Variants in SYNDIG1 observed in about 807,000 individuals in gnomAD.
SYNDIG1 encodes the protein synapse differentiation-inducing gene protein 1.
A neutral mutation model predicts 19.4 loss-of-function variants in SYNDIG1; 9 were observed. That is an observed-to-expected ratio of 0.46 (90% confidence interval 0.28 to 0.81). SYNDIG1 has a LOEUF of 0.81. Among genes scored for constraint, SYNDIG1 ranks in the 30% least tolerant of loss-of-function variants. The pLI is 0.12. For missense variants in SYNDIG1, 311 were observed against 343.3 expected (o/e 0.91, Z 0.74); for synonymous variants, 141 against 145.9 (o/e 0.97, Z 0.24).
At chr20:24,544,364 G>A (rs564769147) in intron 2 of SYNDIG1, among the ~76,000 whole-genome samples, 94 of 152,302 alleles carry the variant, frequency 6.2e-4, no homozygotes, top group South Asian at 1.9e-3. Flanking sequence ...TTCCCAGGAC[G>A]CGATGTCAGG....
chr20:24,493,457 A>G (rs925396018), intron 1 of SYNDIG1, among the ~76,000 whole-genome samples: 9 of 152,130 alleles, frequency 5.9e-5, no homozygotes, highest in Non-Finnish European at 1.3e-4. Flanking sequence ...ATACACAGGT[A>G]CACACACATA....
intron 3 of SYNDIG1, among the ~76,000 whole-genome samples, chr20:24,644,951 C>T (rs563082148): frequency 1.3e-5 from 2 of 152,322 alleles, no homozygotes; most frequent in East Asian, 3.9e-4. Flanking sequence ...TTATCTTCAG[C>T]TTACAGATGA....
rs550175125 is a variant in SYNDIG1, at chr20:24,520,449, A to G, written c.-78-22571A>G. 1.2e-3 allele frequency among the ~76,000 whole-genome samples: 183 copies of G among 152,192 alleles called. 1 individual carries two copies. Among genetic ancestry groups the G allele is most frequent in the African/African-American group, 4.2e-3 (176 of 41,546 alleles). ...GGTGGCTCACGCCTATAATCCCAGG[A>G]CTTTGGGAGGCTGAGGCAGGCGGAT... On this transcript the variant is annotated intron_variant, in intron 1 of 3. Transcript: ENST00000376862.
intron 3 of SYNDIG1, among the ~76,000 whole-genome samples, chr20:24,600,480 G>A (rs1355272872): frequency 2.0e-5 from 3 of 151,970 alleles, no homozygotes; most frequent in Non-Finnish European, 4.4e-5. Flanking sequence ...CCTCCTTATC[G>A]CTGCCCTTCC....
At position 24,507,277 on chromosome 20, in the gene SYNDIG1, G is replaced by A. The variant is rs116081566; in HGVS notation, c.-78-35743G>A. Among the ~76,000 whole-genome samples, 110 of 152,382 alleles carry A rather than the reference G, an allele frequency of 7.2e-4. 1 individual carries two copies. The highest frequency in any genetic ancestry group is 2.5e-3 in the African/African-American group (105 of 41,598). Reference sequence around the variant, plus strand: ...ACAGGAGCGTGCTGCCTGCTGGCCAGAGGATGCTGCCAGGGCTTGCCCAGG... The same window carrying A: ...ACAGGAGCGTGCTGCCTGCTGGCCAAAGGATGCTGCCAGGGCTTGCCCAGG... On this transcript the variant is annotated intron_variant, in intron 1 of 3. Coordinates refer to ENST00000376862, the MANE Select transcript of SYNDIG1 (RefSeq NM_024893.3).
intron 2 of SYNDIG1, among the ~76,000 whole-genome samples, chr20:24,583,246 CG>C (rs1037664951): frequency 6.6e-6 from 1 of 152,222 alleles, no homozygotes; most frequent in Admixed American, 6.5e-5. Context: ...TGGCAAGCAG[CG>C]GGCTCGCAGC....
intron 3 of SYNDIG1, among the ~76,000 whole-genome samples, chr20:24,598,064 G>A (rs2058623514): frequency 2.0e-5 from 3 of 152,168 alleles, no homozygotes; most frequent in Non-Finnish European, 4.4e-5. Flanking sequence ...TTCTCACCAG[G>A]ACAGCCTTGT....
At chr20:24,623,972 G>A (rs2078727812) in intron 3 of SYNDIG1, among the ~76,000 whole-genome samples, 1 of 152,138 alleles carries the variant, frequency 6.6e-6, no homozygotes, top group Admixed American at 6.5e-5. Context: ...TTAAAAATGA[G>A]ACCCAACTGG....
intron 3 of SYNDIG1, among the ~76,000 whole-genome samples, chr20:24,590,183 T>G (rs922752290): frequency 3.3e-5 from 5 of 151,676 alleles, no homozygotes; most frequent in Admixed American, 2.6e-4. Context: ...AAGCCGCCAG[T>G]TGAGCCAGGG....
chr20:24,502,410 A>C (rs1381311703), intron 1 of SYNDIG1: 1 of 152,210 alleles, frequency 6.6e-6, no homozygotes, highest in Admixed American at 6.5e-5. Flanking sequence ...CTTGGGAAGC[A>C]TCTCTGCCTG....
At chr20:24,517,649 CAT>C (rs1206062663) in intron 1 of SYNDIG1, among the ~76,000 whole-genome samples, 1 of 140,360 alleles carries the variant, frequency 7.1e-6, no homozygotes, top group African/African-American at 2.6e-5. Flanking sequence ...TATATATACA[CAT>C]ATATATATAC....
chr20:24,473,422 G>T (rs2055528007), intron 1 of SYNDIG1, among the ~76,000 whole-genome samples: 1 of 152,204 alleles, frequency 6.6e-6, no homozygotes, highest in Admixed American at 6.5e-5. Context: ...GAAGTTGTCG[G>T]CAGGAGGTTT....
chr20:24,471,680 A>T (rs2055464989), intron 1 of SYNDIG1, among the ~76,000 whole-genome samples: 1 of 151,872 alleles, frequency 6.6e-6, no homozygotes, highest in Non-Finnish European at 1.5e-5. Context: ...TTTCAGTTGT[A>T]CACAGTGACA....
At chr20:24,661,183 G>T (rs1451890728) in intron 3 of SYNDIG1, among the ~76,000 whole-genome samples, 1 of 152,136 alleles carries the variant, frequency 6.6e-6, no homozygotes, top group Non-Finnish European at 1.5e-5. Flanking sequence ...GCTGCTGGGG[G>T]TGGGGGCGGG....
chr20:24,562,749 C>G (rs900816656), intron 2 of SYNDIG1, among the ~76,000 whole-genome samples: 3 of 152,186 alleles, frequency 2.0e-5, no homozygotes, highest in Non-Finnish European at 4.4e-5. Context: ...GATGTGGCTT[C>G]CATGCCACTA....
At chr20:24,626,921 C>G (rs527885981) in intron 3 of SYNDIG1, among the ~76,000 whole-genome samples, 3 of 152,348 alleles carry the variant, frequency 2.0e-5, no homozygotes, top group East Asian at 1.9e-4. Flanking sequence ...CAAAAAAATA[C>G]GAAAACCAGT....
chr20:24,494,172 C>T (rs1231521038), intron 1 of SYNDIG1, among the ~76,000 whole-genome samples: 2 of 152,134 alleles, frequency 1.3e-5, no homozygotes, highest in African/African-American at 2.4e-5. Context: ...CGCGCATGGC[C>T]GAGGACTGGA....
intron 3 of SYNDIG1, among the ~76,000 whole-genome samples, chr20:24,592,640 G>A (rs980449105): frequency 2.0e-5 from 3 of 152,130 alleles, no homozygotes; most frequent in Admixed American, 2.0e-4. Flanking sequence ...TTGAGACAGG[G>A]TATCACTCCA....
At chr20:24,592,402 C>G (rs2058527298) in intron 3 of SYNDIG1, among the ~76,000 whole-genome samples, 1 of 152,082 alleles carries the variant, frequency 6.6e-6, no homozygotes. Flanking sequence ...TATCCATTTC[C>G]CAGAAAGAGC....
Sources: gnomAD v4.1 joint callset for allele counts (sites outside exome capture counted in the v4.1 genomes callset) on GRCh38, gnomAD v4.1.1 for gene constraint, MANE v1.5 for transcripts, NCBI Gene and HGNC (gene_info 2026-07-23, HGNC 2026-07-21) for gene names.